Variants in UBE2W observed in about 807,000 individuals in gnomAD.
UBE2W encodes the protein ubiquitin-conjugating enzyme E2 W.
Under a neutral mutation model 27.2 loss-of-function variants are expected in UBE2W, and 18 were observed. The observed-to-expected ratio is 0.66, with a 90% CI of 0.46 to 0.98. UBE2W has a LOEUF of 0.98. Among genes scored for constraint, UBE2W ranks in the 50% least tolerant of loss-of-function variants. The probability of loss-of-function intolerance (pLI) is 0.00; values close to 1 mark genes in which losing one functional copy is unlikely to be tolerated. For missense variants in UBE2W, 90 were observed against 180.2 expected (o/e 0.50, Z 2.87); for synonymous variants, 53 against 57.2 (o/e 0.93, Z 0.33).
rs922630784 is a variant in UBE2W, at chr8:73,792,723, C to T, written c.*1379G>A. The T allele has an allele frequency of 3.0e-6, 3 of 984,764 alleles. No individual in the cohort carries two copies. The African/African-American group carries it at 5.2e-5, about 17-fold the overall frequency. 61.0% of individuals were successfully genotyped at this position (984,764 alleles called of 1,614,324 possible). A position where few individuals can be genotyped will look rare whatever the true frequency, so the allele number is the denominator to read the frequency against. On this transcript the variant is annotated 3_prime_UTR_variant, in exon 6 of 6. Transcript: ENST00000602593. ...GGTAATTTATAAAATACATTAATCA[C>T]TTTTTAAAAAGAACTTAGTTGTAGT...
chr8:73,873,978 T>C (rs1358146614), intron 1 of UBE2W, among the ~76,000 whole-genome samples: 1 of 152,204 alleles, frequency 6.6e-6, no homozygotes, highest in Non-Finnish European at 1.5e-5. Flanking sequence ...TTAACAATTC[T>C]AGAATGTCAA....
At chr8:73,839,974 G>A (rs1563608523) in intron 1 of UBE2W, among the ~76,000 whole-genome samples, 3 of 151,968 alleles carry the variant, frequency 2.0e-5, no homozygotes, top group Non-Finnish European at 2.9e-5. Flanking sequence ...GGCCTCCAGT[G>A]ATCCACCTGC....
chr8:73,821,050 C>T (rs1809591723), intron 3 of UBE2W, among the ~76,000 whole-genome samples: 1 of 152,182 alleles, frequency 6.6e-6, no homozygotes, highest in African/African-American at 2.4e-5. Flanking sequence ...ATTCATTCCA[C>T]ATATAATCTT....
intron 1 of UBE2W, among the ~76,000 whole-genome samples, chr8:73,870,934 C>A (rs1417685059): frequency 6.6e-6 from 1 of 151,176 alleles, no homozygotes; most frequent in Non-Finnish European, 1.5e-5. Flanking sequence ...GACAATAAGG[C>A]TACAGAGACA....
chr8:73,826,319 T>C (rs1809832367), intron 2 of UBE2W, among the ~76,000 whole-genome samples: 1 of 152,192 alleles, frequency 6.6e-6, no homozygotes, highest in Non-Finnish European at 1.5e-5. Context: ...CAGGGCAGCA[T>C]TAGAAGCAAA....
chr8:73,837,314 A>G (rs1810350798), intron 1 of UBE2W, among the ~76,000 whole-genome samples: 1 of 152,214 alleles, frequency 6.6e-6, no homozygotes, highest in Non-Finnish European at 1.5e-5. Context: ...GGAGTTCGAG[A>G]TCAGCCTGGC....
rs1370334722 is a variant in UBE2W at position 73,791,535 on chromosome 8, T to A, written c.*2567A>T. 1 of 985,252 alleles carries A rather than the reference T, an allele frequency of 1.0e-6. No individual in the cohort carries two copies. The highest frequency in any genetic ancestry group is 5.2e-4 in the Middle Eastern group (1 of 1,914). 61.0% of individuals were successfully genotyped at this position (985,252 alleles called of 1,614,324 possible). ...ATATACATTTTCTTGATATTCTGGT[T>A]GTCTTTCAACAATGCATTACAGAGA... On this transcript the variant is annotated 3_prime_UTR_variant, in exon 6 of 6. Transcript: ENST00000602593.
At chr8:73,863,605 A>C (rs1291716982) in intron 1 of UBE2W, among the ~76,000 whole-genome samples, 1 of 151,644 alleles carries the variant, frequency 6.6e-6, no homozygotes, top group African/African-American at 2.4e-5. Context: ...AAAAAATACA[A>C]AAAATAGCCA....
chr8:73,877,890 G>A (rs1208322523), intron 1 of UBE2W, among the ~76,000 whole-genome samples: 4 of 152,142 alleles, frequency 2.6e-5, no homozygotes, highest in African/African-American at 7.2e-5. Flanking sequence ...GGAAAAAGGA[G>A]TAAATTAAGT....
intron 1 of UBE2W, among the ~76,000 whole-genome samples, chr8:73,841,728 C>G (rs1289845352): frequency 1.3e-5 from 2 of 152,146 alleles, no homozygotes; most frequent in Non-Finnish European, 2.9e-5. Flanking sequence ...ACAAAGTGAA[C>G]GCAGGAACTC....
intron 5 of UBE2W, among the ~76,000 whole-genome samples, chr8:73,803,825 G>A (rs1808751357): frequency 6.7e-6 from 1 of 148,886 alleles, no homozygotes; most frequent in Non-Finnish European, 1.5e-5. Context: ...GGAGTGCAGT[G>A]GCGCGATCTC....
chr8:73,838,831 G>A (rs1172061114), intron 1 of UBE2W, among the ~76,000 whole-genome samples: 1 of 152,170 alleles, frequency 6.6e-6, no homozygotes, highest in Non-Finnish European at 1.5e-5. Context: ...TGTTTGCACA[G>A]GACTGTAACC....
chr8:73,807,875 C>T lies in UBE2W; in HGVS notation c.367-2149G>A, dbSNP rs190674217. On this transcript the variant is annotated intron_variant, in intron 4 of 5. Coordinates refer to ENST00000602593, the MANE Select transcript of UBE2W (RefSeq NM_018299.6). Reference sequence around the variant, plus strand: ...AAGAAACTATACAAAAGAAGTCTTACGAAATTGTTTTAGGAATGGGATACA... The same window carrying T: ...AAGAAACTATACAAAAGAAGTCTTATGAAATTGTTTTAGGAATGGGATACA... Among the ~76,000 whole-genome samples the T allele has an allele frequency of 6.8e-4, 104 of 152,178 alleles. 1 individual carries two copies. The highest frequency in any genetic ancestry group is 2.1e-3 in the African/African-American group (89 of 41,514).
chr8:73,851,950 T>TC (rs199503284), intron 1 of UBE2W, among the ~76,000 whole-genome samples: 11 of 118,262 alleles, frequency 9.3e-5, no homozygotes, highest in African/African-American at 5.4e-4. Context: ...CCAGTCTCTC[T>TC]TTTTTTTTTT....
At position 73,810,468 on chromosome 8, in the gene UBE2W, T is replaced by C. The variant is rs1441506521; in HGVS notation, c.366+6A>G. The stretch of plus-strand genomic sequence containing the variant: ...TATTATCTGGAATAATTCTGAAAAG[T>C]CTTACCTTTTCCTTGCAGCTGGAAA... On this transcript the variant is annotated splice_donor_region_variant and intron_variant, in intron 4 of 5. Transcript: ENST00000602593. The C allele has an allele frequency of 1.9e-6, 3 of 1,607,936 alleles. No homozygotes were observed. The highest frequency in any genetic ancestry group is 2.2e-5 in the South Asian group (2 of 90,366).
intron 1 of UBE2W, among the ~76,000 whole-genome samples, chr8:73,857,808 T>C (rs1007271375): frequency 6.6e-6 from 1 of 151,502 alleles, no homozygotes; most frequent in Non-Finnish European, 1.5e-5. Context: ...AGAGTGAGAC[T>C]CCCCGTCTTA....
At chr8:73,786,133 T>C (rs752237540), downstream of UBE2W, 3 of 807,844 alleles carry the variant, frequency 3.7e-6, no homozygotes, top group Non-Finnish European at 4.5e-6. Context: ...CTGAGATGTA[T>C]TTAGTTTAAA....
At chr8:73,805,936 G>A (rs1003712877) in intron 4 of UBE2W, among the ~76,000 whole-genome samples, 2 of 152,140 alleles carry the variant, frequency 1.3e-5, no homozygotes, top group African/African-American at 4.8e-5. Flanking sequence ...GCGTGTTTGA[G>A]TGTGGTCTGT....
At chr8:73,855,402 T>C (rs1811252135) in intron 1 of UBE2W, among the ~76,000 whole-genome samples, 1 of 141,098 alleles carries the variant, frequency 7.1e-6, no homozygotes, top group Non-Finnish European at 1.5e-5. Context: ...TTCTTTTTTT[T>C]TTTTTTTTTT....
Sources: gnomAD v4.1 joint callset for allele counts (sites outside exome capture counted in the v4.1 genomes callset) on GRCh38, gnomAD v4.1.1 for gene constraint, MANE v1.5 for transcripts, NCBI Gene and HGNC (gene_info 2026-07-23, HGNC 2026-07-21) for gene names.